The following MED13L variants were observed in gnomAD, a reference collection of about 807,000 sequenced individuals.
MED13L encodes mediator complex subunit 13L, also known as mediator of RNA polymerase II transcription subunit 13-like.
A neutral mutation model predicts 220.9 loss-of-function variants in MED13L; 7 were observed. The ratio of observed to expected loss-of-function variants is 0.03; its 90% CI spans 0.02 to 0.06. MED13L has a LOEUF of 0.06. Among genes scored for constraint, MED13L ranks in the 10% least tolerant of loss-of-function variants. The pLI is 1.00. For missense variants in MED13L, 1,965 were observed against 2,760.5 expected, an observed-to-expected ratio of 0.71 and a Z score of 6.46; for synonymous variants, 1,011 against 1,015.2, an observed-to-expected ratio of 1.00 and a Z score of 0.08.
At chr12:116,010,002 A>G (rs1255751812) in intron 9 of MED13L, among the ~76,000 whole-genome samples, 1 of 152,182 alleles carries the variant, frequency 6.6e-6, no homozygotes, top group Non-Finnish European at 1.5e-5. Flanking sequence ...TAACTCTCTG[A>G]GGCCACTAGG....
chr12:115,983,321 A>G lies in MED13L; in HGVS notation c.4751T>C (p.Val1584Ala), dbSNP rs1877464306. Residue 1584 changes from valine (V) to alanine (A), a missense_variant, in exon 21 of 31, where the codon GTG becomes GCG. Physicochemically the swap from Val to Ala is moderately conservative, Grantham distance 64 (BLOSUM62 0). This residue lies in a region of MED13L where 510 missense variants were observed against 620.4 expected (regional missense o/e 0.82). Transcript: ENST00000281928. ...AGAGGCAGACGATGAGACCGGTGGC[A>G]CAGAGGAACCAGATGCAGAACTACT... ...AASSSASGSS[V>A]PPVSSSASAP... 1 of 1,614,220 alleles carries G rather than the reference A, an allele frequency of 6.2e-7. No individual in the cohort carries two copies. The highest frequency in any genetic ancestry group is 8.5e-7 in the Non-Finnish European group (1 of 1,180,028).
intron 3 of MED13L, among the ~76,000 whole-genome samples, chr12:116,102,697 CTTTTTCTTTTTTCTTTTTT>C (rs1428861807): frequency 2.7e-5 from 2 of 73,274 alleles, no homozygotes; most frequent in African/African-American, 8.9e-5. Flanking sequence ...TTTTCTTTTT[CTTTTTCTTTTTTCTTTTTT>C]TTTTTTTTTT....
chr12:116,018,142 T>A (rs1355541221), intron 7 of MED13L, among the ~76,000 whole-genome samples: 1 of 152,124 alleles, frequency 6.6e-6, no homozygotes, highest in Non-Finnish European at 1.5e-5. Flanking sequence ...ACCTAGTATG[T>A]ACAACAACAC....
At chr12:116,222,563 T>G (rs2138398132) in intron 2 of MED13L, among the ~76,000 whole-genome samples, 1 of 152,280 alleles carries the variant, frequency 6.6e-6, no homozygotes, top group South Asian at 2.1e-4. Flanking sequence ...TCTGACTCAC[T>G]AATGATACAA....
At position 115,970,576 on chromosome 12, in the gene MED13L, T is replaced by A. The variant is rs1464589697; in HGVS notation, c.6067+18A>T. 14 of 1,612,562 alleles carry A rather than the reference T, an allele frequency of 8.7e-6. No individual in the cohort carries two copies. Among genetic ancestry groups the A allele is most frequent in the Non-Finnish European group, 1.2e-5 (14 of 1,178,816 alleles). ...CCTGCATGAAGGTGAGCACTATCCA[T>A]ACAGGTCTTCTACTCACCATTGTTG... On this transcript the variant is annotated intron_variant, in intron 27 of 30. Coordinates refer to ENST00000281928, the MANE Select transcript of MED13L (RefSeq NM_015335.5).
chr12:116,193,496 T>C (rs1332288352), intron 2 of MED13L, among the ~76,000 whole-genome samples: 2 of 152,142 alleles, frequency 1.3e-5, no homozygotes, highest in African/African-American at 2.4e-5. Context: ...TTAGAAGTAC[T>C]TGAAATGTGA....
At chr12:116,227,406 A>T (rs1303492882) in intron 2 of MED13L, among the ~76,000 whole-genome samples, 1 of 152,200 alleles carries the variant, frequency 6.6e-6, no homozygotes, top group Non-Finnish European at 1.5e-5. Flanking sequence ...CATTTTTTAC[A>T]AATTTAAGGT....
intron 2 of MED13L, among the ~76,000 whole-genome samples, chr12:116,123,390 C>T (rs1467839608): frequency 6.6e-6 from 1 of 152,132 alleles, no homozygotes; most frequent in Middle Eastern, 3.2e-3. Flanking sequence ...TCAGTTAGAA[C>T]ATATACATTT....
intron 4 of MED13L, among the ~76,000 whole-genome samples, chr12:116,065,263 C>T (rs1000072438): frequency 5.3e-5 from 8 of 151,954 alleles, no homozygotes; most frequent in African/African-American, 1.7e-4. Context: ...GCAGTGTGTA[C>T]GTGTGTGTAT....
chr12:116,045,613 G>A (rs971398301), intron 4 of MED13L, among the ~76,000 whole-genome samples: 3 of 151,960 alleles, frequency 2.0e-5, no homozygotes, highest in Non-Finnish European at 4.4e-5. Context: ...GTATATATGT[G>A]GTGAAAAATG....
chr12:115,985,897 A>C (rs538487568), intron 19 of MED13L, among the ~76,000 whole-genome samples: 2 of 152,344 alleles, frequency 1.3e-5, no homozygotes, highest in Non-Finnish European at 2.9e-5. Flanking sequence ...CAATCCATCC[A>C]GTAAATAAAT....
intron 2 of MED13L, among the ~76,000 whole-genome samples, chr12:116,140,693 ACAAT>A (rs1452561875): frequency 6.6e-6 from 1 of 152,246 alleles, no homozygotes; most frequent in Non-Finnish European, 1.5e-5. Context: ...ACTTTCAACA[ACAAT>A]CAGTCATCCC....
intron 1 of MED13L, among the ~76,000 whole-genome samples, chr12:116,241,060 G>A (rs1870590237): frequency 6.6e-6 from 1 of 151,816 alleles, no homozygotes; most frequent in South Asian, 2.1e-4. Flanking sequence ...TGTAATCCCA[G>A]CATTTTGGGA....
At chr12:116,170,480 C>T (rs913237912) in intron 2 of MED13L, among the ~76,000 whole-genome samples, 2 of 151,948 alleles carry the variant, frequency 1.3e-5, no homozygotes, top group African/African-American at 4.8e-5. Context: ...AATAATTGCA[C>T]GAAAGCTTTC....
At chr12:116,175,280 A>T (rs1879965848) in intron 2 of MED13L, among the ~76,000 whole-genome samples, 1 of 152,186 alleles carries the variant, frequency 6.6e-6, no homozygotes, top group South Asian at 2.1e-4. Flanking sequence ...ATTTCAATAC[A>T]TATTAACAAA....
chr12:116,171,522 C>T (rs1593126352), intron 2 of MED13L, among the ~76,000 whole-genome samples: 1 of 152,196 alleles, frequency 6.6e-6, no homozygotes, highest in Admixed American at 6.6e-5. Context: ...AATCCAGTTG[C>T]TTTAACCATT....
At chr12:116,002,911 CAGATAA>C (rs2137358379) in intron 14 of MED13L, 86 bp downstream of exon 14, 5 of 1,073,736 alleles carry the variant, frequency 4.7e-6, no homozygotes, top group African/African-American at 3.1e-5. Flanking sequence ...AGGGAAATTT[CAGATAA>C]AGATAAAGCA....
chr12:116,041,035 C>T (rs1382171416), intron 4 of MED13L, among the ~76,000 whole-genome samples: 1 of 152,070 alleles, frequency 6.6e-6, no homozygotes, highest in Non-Finnish European at 1.5e-5. Context: ...GTGCTCCATA[C>T]ATCAGACAGG....
chr12:116,243,847 C>T (rs550557743), intron 1 of MED13L, among the ~76,000 whole-genome samples: 1 of 152,168 alleles, frequency 6.6e-6, no homozygotes, highest in Admixed American at 6.5e-5. Flanking sequence ...CTCAAGGCAC[C>T]TCAGATTCAG....
Sources: allele counts gnomAD v4.1 joint callset (sites outside exome capture counted in the v4.1 genomes callset), GRCh38; gene constraint gnomAD v4.1.1; regional missense constraint gnomAD v4.1.1; transcripts MANE v1.5; gene names NCBI Gene and HGNC (gene_info 2026-07-23, HGNC 2026-07-21).